Variants in EDNRB observed in about 807,000 individuals in gnomAD.
EDNRB encodes the protein endothelin receptor type B.
In EDNRB, 18 loss-of-function variants were observed where a neutral mutation model predicts 46.4. The ratio of observed to expected loss-of-function variants is 0.39; its 90% CI spans 0.27 to 0.57. The LOEUF is 0.57. EDNRB is among the 20% of genes least tolerant of loss of function. EDNRB has a pLI of 0.61. For missense variants in EDNRB, 434 were observed against 537.5 expected, an observed-to-expected ratio of 0.81 and a Z score of 1.90; for synonymous variants, 213 against 204.9, an observed-to-expected ratio of 1.04 and a Z score of -0.34.
rs1879120493 is a variant in EDNRB, at chr13:77,903,641, G to A, written c.484-34C>T. ...AGAAGACACGAAGCTCTGTTAGGGG[G>A]TTTCATAAGATGCCCTCTGAATTGT... On this transcript the variant is annotated intron_variant, in intron 1 of 6. Coordinates refer to ENST00000646607, the MANE Select transcript of EDNRB (RefSeq NM_001122659.3). 3 of 1,577,078 alleles carry A rather than the reference G, an allele frequency of 1.9e-6. No individual in the cohort carries two copies. The African/African-American group carries it at 4.0e-5, about 21-fold the overall frequency.
intron 1 of EDNRB, among the ~76,000 whole-genome samples, chr13:77,974,434 G>A (rs955112471): frequency 2.6e-5 from 4 of 152,206 alleles, no homozygotes; most frequent in East Asian, 1.9e-4. Flanking sequence ...TTTGGGATAC[G>A]CCCTTGTTTA....
At chr13:77,910,773 C>G (rs1338222884) in intron 1 of EDNRB, among the ~76,000 whole-genome samples, 2 of 151,886 alleles carry the variant, frequency 1.3e-5, no homozygotes, top group African/African-American at 2.4e-5. Context: ...GCGGTTCTGT[C>G]CATGGGAATC....
At chr13:77,941,744 T>C (rs117481328) in intron 1 of EDNRB, among the ~76,000 whole-genome samples, 2,210 of 152,328 alleles carry the variant, frequency 0.015, 46 homozygotes, top group East Asian at 0.024. Flanking sequence ...AGTTGTTTTA[T>C]ATTTTGGAAT....
intron 1 of EDNRB, among the ~76,000 whole-genome samples, chr13:77,944,008 G>A (rs1007103978): frequency 9.9e-5 from 15 of 152,144 alleles, no homozygotes; most frequent in Admixed American, 3.3e-4. Flanking sequence ...ATAGTCAAGC[G>A]AAATGACCAC....
In EDNRB at chr13:77,901,034, T is replaced by A. The variant is rs200621050; in HGVS notation, c.951+24A>T. 3.7e-5 allele frequency: 60 copies of A among 1,607,760 alleles called. No homozygotes were observed. In the Middle Eastern group the frequency reaches 6.1e-4, roughly 16 times the overall value. On this transcript the variant is annotated intron_variant, in intron 4 of 6. Coordinates refer to ENST00000646607, the MANE Select transcript of EDNRB (RefSeq NM_001122659.3). ...CATAATTATAAATTCAACCACGAGTTATCAAATATTTGTATTTTCTTACCT... is the reference window on the plus strand; with the variant it reads ...CATAATTATAAATTCAACCACGAGTAATCAAATATTTGTATTTTCTTACCT...
intron 1 of EDNRB, among the ~76,000 whole-genome samples, chr13:77,916,952 G>A (rs1210890873): frequency 1.3e-5 from 2 of 151,836 alleles, no homozygotes; most frequent in African/African-American, 4.8e-5. Context: ...CAGTAAGTGG[G>A]CACTGGCAGC....
chr13:77,913,236 T>C (rs1879661628), intron 1 of EDNRB, among the ~76,000 whole-genome samples: 1 of 152,158 alleles, frequency 6.6e-6, no homozygotes, highest in Admixed American at 6.6e-5. Context: ...TTCCGCATTT[T>C]GACATACCAG....
intron 1 of EDNRB, among the ~76,000 whole-genome samples, chr13:77,911,664 C>CCTCT (rs745884791): frequency 6.6e-5 from 10 of 151,878 alleles, no homozygotes; most frequent in Non-Finnish European, 1.3e-4. Context: ...CACGCCTTCT[C>CCTCT]CTCTCTCTCT....
chr13:77,933,026 T>C (rs1880447417), intron 1 of EDNRB, among the ~76,000 whole-genome samples: 2 of 152,240 alleles, frequency 1.3e-5, no homozygotes, highest in African/African-American at 4.8e-5. Context: ...CGTGCTGTGT[T>C]ATATATGTTT....
intron 1 of EDNRB, among the ~76,000 whole-genome samples, chr13:77,941,510 A>C (rs992223368): frequency 1.3e-5 from 2 of 152,226 alleles, no homozygotes; most frequent in African/African-American, 2.4e-5. Flanking sequence ...TTATCAAATA[A>C]CTAACACTTT....
intron 1 of EDNRB, among the ~76,000 whole-genome samples, chr13:77,905,945 A>G (rs1488072409): frequency 6.6e-6 from 1 of 151,948 alleles, no homozygotes; most frequent in Non-Finnish European, 1.5e-5. Context: ...GAAGAAGGGA[A>G]ATGGCATGAT....
chr13:77,975,215 C>G (rs891593820), intron 1 of EDNRB: 1 of 152,258 alleles, frequency 6.6e-6, no homozygotes, highest in African/African-American at 2.4e-5. Context: ...GTTCCCAAGA[C>G]CAGTCCTGTC....
At chr13:77,919,792 CAA>C, upstream of EDNRB, 1 of 604,342 alleles carries the variant, frequency 1.7e-6, no homozygotes, top group Non-Finnish European at 2.9e-6. Flanking sequence ...CTACGCTCTT[CAA>C]ATGAACCCAA....
In EDNRB at chr13:77,896,943, T is replaced by C; in HGVS notation, c.*1257A>G. On this transcript the variant is annotated 3_prime_UTR_variant, in exon 7 of 7. Transcript: ENST00000646607. ...GCCTCTAGATGAAAGAAAAGCACCA[T>C]GTCAAGCAAACTTTTCTATTGGCTA... 2 of 993,252 alleles carry C rather than the reference T, an allele frequency of 2.0e-6. No homozygotes were observed. The highest frequency in any genetic ancestry group is 2.4e-6 in the Non-Finnish European group (2 of 835,244). The allele number at this position is 993,252 out of a possible 1,614,324, so 61.5% of individuals were successfully genotyped here. A position where few individuals can be genotyped will look rare whatever the true frequency, so the allele number is the denominator to read the frequency against.
At chr13:77,924,429 G>A (rs1247928495), upstream of EDNRB, among the ~76,000 whole-genome samples, 1 of 152,128 alleles carries the variant, frequency 6.6e-6, no homozygotes, top group Non-Finnish European at 1.5e-5. Context: ...GCATTTGAGG[G>A]GGACATGGCC....
Position 77,918,046 on chromosome 13 carries a change from G to A in EDNRB, c.483+45C>T, listed in dbSNP as rs189509194. 397 of 1,612,952 alleles carry A rather than the reference G, an allele frequency of 2.5e-4. 1 individual carries two copies. The highest frequency in any genetic ancestry group is 1.5e-3 in the Middle Eastern group (8 of 5,238). On this transcript the variant is annotated intron_variant, in intron 1 of 6. Transcript: ENST00000646607. The surrounding 1 kb of genome is among the most constrained non-coding windows in gnomAD (Gnocchi z 4.5). Reference sequence around the variant, plus strand: ...TTCTCATCTCCCCGTCTCCAACCAGGCCCCCTTCCTCAAGCCCACCATGAT... The same window carrying A: ...TTCTCATCTCCCCGTCTCCAACCAGACCCCCTTCCTCAAGCCCACCATGAT...
intron 1 of EDNRB, among the ~76,000 whole-genome samples, chr13:77,903,947 A>G (rs1879139329): frequency 6.6e-6 from 1 of 151,960 alleles, no homozygotes; most frequent in Non-Finnish European, 1.5e-5. Flanking sequence ...AAATGCCCAG[A>G]TCATGGCCAA....
chr13:77,918,997 A>G, upstream of EDNRB: 1 of 871,952 alleles, frequency 1.1e-6, no homozygotes, highest in Non-Finnish European at 1.5e-6. The surrounding 1 kb of genome is among the most constrained non-coding windows in gnomAD (Gnocchi z 4.5). Context: ...GAACCGCGGA[A>G]TTAAGGCACC....
chr13:77,958,824 G>C (rs2137682038), intron 1 of EDNRB, among the ~76,000 whole-genome samples: 1 of 152,318 alleles, frequency 6.6e-6, no homozygotes, highest in East Asian at 1.9e-4. Context: ...TAAATGTGAA[G>C]GCTTATGTTC....
Sources: gnomAD v4.1 joint callset for allele counts (sites outside exome capture counted in the v4.1 genomes callset) on GRCh38, gnomAD v4.1.1 for gene constraint, Gnocchi (gnomAD v3.1) non-coding constraint, MANE v1.5 for transcripts, NCBI Gene and HGNC (gene_info 2026-07-23, HGNC 2026-07-21) for gene names.